Variants in PPP2R2B observed in about 807,000 individuals in gnomAD.
PPP2R2B encodes the protein protein phosphatase 2 regulatory subunit Bbeta, also known as serine/threonine-protein phosphatase 2A 55 kDa regulatory subunit B beta isoform.
In PPP2R2B, 5 loss-of-function variants were observed where a neutral mutation model predicts 46.0. The ratio of observed to expected loss-of-function variants is 0.11; its 90% CI spans 0.06 to 0.23. The LOEUF is 0.23. Among genes scored for constraint, PPP2R2B ranks in the 10% least tolerant of loss-of-function variants. The probability of loss-of-function intolerance (pLI) is 1.00; values close to 1 mark genes in which losing one functional copy is unlikely to be tolerated. For missense variants in PPP2R2B, 367 were observed against 575.0 expected, an observed-to-expected ratio of 0.64 and a Z score of 3.70; for synonymous variants, 215 against 206.7, an observed-to-expected ratio of 1.04 and a Z score of -0.34.
upstream of PPP2R2B, among the ~76,000 whole-genome samples, chr5:147,059,603 C>T (rs1389078802): frequency 6.6e-6 from 1 of 152,150 alleles, no homozygotes; most frequent in Non-Finnish European, 1.5e-5. Context: ...ATAAAGGTGA[C>T]CCATTTAGGT....
At chr5:146,851,143 T>C (rs374845357) in intron 2 of PPP2R2B, among the ~76,000 whole-genome samples, 1 of 152,162 alleles carries the variant, frequency 6.6e-6, no homozygotes, top group East Asian at 1.9e-4. Context: ...CAGTAAAGGT[T>C]CACAATGGTG....
At chr5:146,593,482 G>A (rs1770863299) in intron 8 of PPP2R2B, among the ~76,000 whole-genome samples, 1 of 152,220 alleles carries the variant, frequency 6.6e-6, no homozygotes, top group Non-Finnish European at 1.5e-5. Context: ...TCAGGTGACA[G>A]ATTATATAAC....
chr5:146,857,689 AT>A (rs11320746), intron 2 of PPP2R2B, among the ~76,000 whole-genome samples: 31,929 of 146,002 alleles, frequency 0.22, 3,792 homozygotes, highest in East Asian at 0.35. Flanking sequence ...AACTGTACTA[AT>A]TTTTTTTTTT....
chr5:146,600,262 T>C (rs1381515786), intron 8 of PPP2R2B, 29 bp downstream of exon 8: 2 of 1,605,346 alleles, frequency 1.2e-6, no homozygotes, highest in African/African-American at 2.7e-5. Flanking sequence ...GAATGTTCAA[T>C]ATACCTATGG....
At chr5:146,793,580 A>T (rs1423409121) in intron 2 of PPP2R2B, among the ~76,000 whole-genome samples, 2 of 152,202 alleles carry the variant, frequency 1.3e-5, no homozygotes, top group African/African-American at 4.8e-5. Context: ...TATTAAGATC[A>T]CACAACAGCT....
At chr5:146,682,906 C>A (rs188436631) in intron 5 of PPP2R2B, among the ~76,000 whole-genome samples, 1 of 152,220 alleles carries the variant, frequency 6.6e-6, no homozygotes, top group Admixed American at 6.5e-5. Flanking sequence ...CTATACAGAA[C>A]CTTGAGGCAG....
intron 2 of PPP2R2B, among the ~76,000 whole-genome samples, chr5:146,803,859 A>G (rs1226764735): frequency 6.6e-6 from 1 of 152,184 alleles, no homozygotes; most frequent in Non-Finnish European, 1.5e-5. Context: ...TTGTGAGGAA[A>G]TCAGGTAATA....
chr5:146,987,392 T>A (rs1753480851), intron 1 of PPP2R2B, among the ~76,000 whole-genome samples: 1 of 151,974 alleles, frequency 6.6e-6, no homozygotes, highest in Admixed American at 6.6e-5. Context: ...TACCAAAAGA[T>A]AAAACTACTA....
intron 1 of PPP2R2B, among the ~76,000 whole-genome samples, chr5:147,036,953 C>T (rs1756066848): frequency 6.6e-6 from 1 of 152,250 alleles, no homozygotes; most frequent in South Asian, 2.1e-4. Flanking sequence ...TTGCTAACCC[C>T]TCCATGAATT....
intron 7 of PPP2R2B, among the ~76,000 whole-genome samples, chr5:146,637,403 G>A (rs1003958706): frequency 6.6e-5 from 10 of 152,166 alleles, no homozygotes; most frequent in Admixed American, 3.3e-4. Context: ...ACAATGTATA[G>A]GACAGCCCCT....
chr5:146,792,113 G>A (rs896601795), intron 2 of PPP2R2B, among the ~76,000 whole-genome samples: 6 of 152,190 alleles, frequency 3.9e-5, no homozygotes, highest in Non-Finnish European at 8.8e-5. Flanking sequence ...GGTCTACATA[G>A]AAAGCAGAGG....
intron 2 of PPP2R2B, among the ~76,000 whole-genome samples, chr5:146,861,582 A>G (rs1761004514): frequency 6.6e-6 from 1 of 152,240 alleles, no homozygotes; most frequent in Admixed American, 6.5e-5. Context: ...CAGACACTCC[A>G]TGAATTGTTT....
intron 1 of PPP2R2B, among the ~76,000 whole-genome samples, chr5:147,052,374 A>G (rs1756869431): frequency 6.6e-6 from 1 of 152,170 alleles, no homozygotes; most frequent in African/African-American, 2.4e-5. Context: ...CTGGTTCTGG[A>G]GGTACAACAG....
chr5:147,057,802 A>G (rs1417375544), upstream of PPP2R2B, among the ~76,000 whole-genome samples: 1 of 152,132 alleles, frequency 6.6e-6, no homozygotes, highest in East Asian at 1.9e-4. Flanking sequence ...TGCCTTTGAC[A>G]TTGACTTGCT....
At chr5:147,062,691 C>T (rs1043040391) in intron 2 of PPP2R2B, among the ~76,000 whole-genome samples, 10 of 151,890 alleles carry the variant, frequency 6.6e-5, no homozygotes, top group South Asian at 2.1e-4. Flanking sequence ...GTACAGGACA[C>T]GGCACCAAGA....
chr5:146,705,822 G>A (rs1159393174), intron 2 of PPP2R2B, among the ~76,000 whole-genome samples: 1 of 152,052 alleles, frequency 6.6e-6, no homozygotes, highest in Non-Finnish European at 1.5e-5. Flanking sequence ...TGACCTTGTT[G>A]AAAGATGTTA....
chr5:146,933,826 TCCCC>T (rs1764048070), intron 1 of PPP2R2B, among the ~76,000 whole-genome samples: 1 of 82,944 alleles, frequency 1.2e-5, no homozygotes, highest in African/African-American at 4.7e-5. Context: ...ATGCTATCCC[TCCCC>T]CTCCCCCCAC....
At position 146,878,338 on chromosome 5, in the gene PPP2R2B, G is replaced by A; in HGVS notation, c.-124-143C>T. The A allele has an allele frequency of 1.4e-6, 2 of 1,435,182 alleles. No individual in the cohort carries two copies. The highest frequency in any genetic ancestry group is 1.8e-6 in the Non-Finnish European group (2 of 1,100,236). 88.9% of individuals were successfully genotyped at this position (1,435,182 alleles called of 1,614,324 possible). A position where few individuals can be genotyped will look rare whatever the true frequency, so the allele number is the denominator to read the frequency against. ...TCCAGCTCCAGTTCCCAGCGAGGAT[G>A]CTGCGCCTGCCTCCGCTGCCTCCGG... is the stretch of plus-strand genomic sequence containing the variant. On this transcript the variant is annotated intron_variant, in intron 1 of 9. Coordinates refer to ENST00000394411, the MANE Select transcript of PPP2R2B (RefSeq NM_181675.4). The surrounding 1 kb of genome is among the most constrained non-coding windows in gnomAD (Gnocchi z 4.5).
intron 5 of PPP2R2B, among the ~76,000 whole-genome samples, chr5:146,656,884 CT>C (rs1458182880): frequency 2.6e-5 from 4 of 152,172 alleles, no homozygotes; most frequent in Non-Finnish European, 1.5e-5. Flanking sequence ...CCTTCTGTCT[CT>C]GCTCACCCGC....
Sources: gnomAD v4.1 joint callset for allele counts (sites outside exome capture counted in the v4.1 genomes callset) on GRCh38, gnomAD v4.1.1 for gene constraint, Gnocchi (gnomAD v3.1) non-coding constraint, MANE v1.5 for transcripts, NCBI Gene and HGNC (gene_info 2026-07-23, HGNC 2026-07-21) for gene names.